FEZ1: variants seen among roughly 807,000 people sequenced by gnomAD.
FEZ1 encodes fasciculation and elongation protein zeta 1, also known as fasciculation and elongation protein zeta-1.
In FEZ1, 20 loss-of-function variants were observed where a neutral mutation model predicts 49.3. That is an observed-to-expected ratio of 0.41 (90% CI 0.29 to 0.59). The LOEUF is 0.59. FEZ1 is among the 20% of genes least tolerant of loss of function. The pLI is 0.36. For synonymous variants in FEZ1, 170 were observed against 180.9 expected (o/e 0.94, Z 0.48); for missense variants, 413 against 476.0 (o/e 0.87, Z 1.23).
At chr11:125,458,232 C>T (rs190518848) in intron 5 of FEZ1, among the ~76,000 whole-genome samples, 4 of 152,312 alleles carry the variant, frequency 2.6e-5, no homozygotes, top group Admixed American at 2.6e-4. Context: ...CCTGACCAAC[C>T]CACCTTCTCC....
chr11:125,461,244 A>T (rs575625999), intron 4 of FEZ1, among the ~76,000 whole-genome samples: 1 of 152,316 alleles, frequency 6.6e-6, no homozygotes, highest in East Asian at 1.9e-4. Context: ...CCCAGCTCTA[A>T]TCTAGACTAT....
At chr11:125,470,942 A>G (rs1235316088) in intron 3 of FEZ1, among the ~76,000 whole-genome samples, 1 of 152,218 alleles carries the variant, frequency 6.6e-6, no homozygotes, top group Admixed American at 6.5e-5. Context: ...TATGACAATT[A>G]TAGCACAAAA....
chr11:125,495,988 G>C lies in FEZ1; in HGVS notation c.-46+133C>G, dbSNP rs956662103. On this transcript the variant is annotated intron_variant, in intron 1 of 9. Transcript: ENST00000278919. The surrounding 1 kb of genome is among the most constrained non-coding windows in gnomAD (Gnocchi z 4.2). Reference sequence around the variant, plus strand: ...TTGTTCCTTTCTAATCCCAGAATGGGACCAGGTGAGGGGAGCTGCGGCGAC... The same window carrying C: ...TTGTTCCTTTCTAATCCCAGAATGGCACCAGGTGAGGGGAGCTGCGGCGAC... The C allele has an allele frequency of 9.4e-6, 2 of 213,710 alleles. No homozygotes were observed. Among genetic ancestry groups the C allele is most frequent in the Non-Finnish European group, 1.9e-5 (2 of 107,480 alleles). 13.2% of individuals were successfully genotyped at this position (213,710 alleles called of 1,614,324 possible). A position where few individuals can be genotyped will look rare whatever the true frequency, so the allele number is the denominator to read the frequency against.
At chr11:125,450,333 T>C (rs1956942981) in intron 8 of FEZ1, among the ~76,000 whole-genome samples, 1 of 152,172 alleles carries the variant, frequency 6.6e-6, no homozygotes, top group African/African-American at 2.4e-5. Context: ...CTCGGCCTGT[T>C]TTATTTTTTT....
rs185074756 is a variant in FEZ1 at position 125,444,159 on chromosome 11, C to T, written c.*1936G>A. ...GTCACTTCCATGCTCCTGTGGCAGC[C>T]GGGGCTCTATCTATGGAGAAGCTCT... is the stretch of plus-strand genomic sequence containing the variant. On this transcript the variant is annotated 3_prime_UTR_variant, in exon 10 of 10. Transcript: ENST00000278919. Among the ~76,000 whole-genome samples the T allele has an allele frequency of 5.7e-4, 86 of 152,196 alleles. No individual in the cohort carries two copies. The highest frequency in any genetic ancestry group is 1.9e-3 in the African/African-American group (81 of 41,542).
intron 3 of FEZ1, among the ~76,000 whole-genome samples, chr11:125,468,596 A>G (rs1565537626): frequency 6.6e-6 from 1 of 152,158 alleles, no homozygotes; most frequent in South Asian, 2.1e-4. Flanking sequence ...CTCAAACCCT[A>G]CTAAAATGAG....
Position 125,460,524 on chromosome 11 carries a change from G to C in FEZ1, c.641C>G (p.Thr214Ser). The stretch of plus-strand genomic sequence containing the variant: ...TTCATAGGACCAGTTGTTGTTGAAG[G>C]TCTGTGTCAATGCCTGCATCTCCTG... ...LLQEMQALTQ[T>S]FNNNWSYEGL... Residue 214 changes from threonine (T) to serine (S), a missense_variant, in exon 5 of 10, where the codon ACC (threonine) becomes AGC (serine). Thr to Ser is a moderately conservative substitution (Grantham distance 58). Coordinates refer to ENST00000278919, the MANE Select transcript of FEZ1 (RefSeq NM_005103.5). 2 of 1,614,118 alleles carry C rather than the reference G, an allele frequency of 1.2e-6. No individual in the cohort carries two copies. The highest frequency in any genetic ancestry group is 1.7e-6 in the Non-Finnish European group (2 of 1,180,032).
intron 1 of FEZ1, among the ~76,000 whole-genome samples, chr11:125,494,086 G>A (rs2135796938): frequency 6.6e-6 from 1 of 152,360 alleles, no homozygotes. Flanking sequence ...AATATAGACT[G>A]ATTGTTTTTT....
At chr11:125,490,464 A>T (rs1427904955) in intron 1 of FEZ1, among the ~76,000 whole-genome samples, 2 of 152,202 alleles carry the variant, frequency 1.3e-5, no homozygotes, top group Non-Finnish European at 2.9e-5. Flanking sequence ...TACTTTCCAA[A>T]ATCTGAAATA....
chr11:125,463,162 C>A, intron 4 of FEZ1: 1 of 164,228 alleles, frequency 6.1e-6, no homozygotes. Context: ...AAGAATTAGC[C>A]AGGCATGGTG....
chr11:125,448,571 G>A lies in FEZ1; in HGVS notation c.1097-4C>T. On this transcript the variant is annotated splice_polypyrimidine_tract_variant and splice_region_variant and intron_variant, in intron 8 of 9. Transcript: ENST00000278919. ...TCCTCCTTCATGGCAAAGAGAACTA[G>A]GAAAGGAGACAGAGAGAGGAACTAA... The A allele has an allele frequency of 6.2e-7, 1 of 1,602,590 alleles. No homozygotes were observed.
At chr11:125,491,757 C>T (rs180939377) in intron 1 of FEZ1, among the ~76,000 whole-genome samples, 192 of 152,294 alleles carry the variant, frequency 1.3e-3, no homozygotes, top group Non-Finnish European at 1.7e-3. Context: ...CGGGATTTTG[C>T]TGGGATTAAG....
rs116956257 is a variant in FEZ1, at chr11:125,479,761, A to G, written c.411+1773T>C. 7.8e-3 allele frequency among the ~76,000 whole-genome samples: 1,193 copies of G among 152,246 alleles called. 9 individuals are homozygous for G. The highest frequency in any genetic ancestry group is 0.014 in the Middle Eastern group (4 of 294). Reference sequence around the variant, plus strand: ...AAAGCAGGTCCTCACCAGATATTGAATCTGCCAGTGCCTTGATCTTGGACT... The same window carrying G: ...AAAGCAGGTCCTCACCAGATATTGAGTCTGCCAGTGCCTTGATCTTGGACT... On this transcript the variant is annotated intron_variant, in intron 3 of 9. Transcript: ENST00000278919.
intron 3 of FEZ1, among the ~76,000 whole-genome samples, chr11:125,465,324 A>C (rs1054637813): frequency 2.6e-5 from 4 of 152,168 alleles, no homozygotes; most frequent in Non-Finnish European, 4.4e-5. Context: ...GCTTCTTTCA[A>C]CTATATCATC....
intron 2 of FEZ1, chr11:125,488,751 C>A: frequency 2.0e-6 from 2 of 985,356 alleles, no homozygotes; most frequent in Non-Finnish European, 2.4e-6. Context: ...TGAATTTTTA[C>A]TAAATGCCTA....
intron 1 of FEZ1, among the ~76,000 whole-genome samples, chr11:125,493,745 T>C (rs1957428884): frequency 6.6e-6 from 1 of 152,236 alleles, no homozygotes; most frequent in Non-Finnish European, 1.5e-5. Flanking sequence ...TACAGAGATA[T>C]GAAAGCCAAT....
chr11:125,474,333 C>A (rs558328923), intron 3 of FEZ1, among the ~76,000 whole-genome samples: 1 of 151,544 alleles, frequency 6.6e-6, no homozygotes, highest in Non-Finnish European at 1.5e-5. Context: ...CTACCACGCC[C>A]GGCCTAATTT....
intron 3 of FEZ1, among the ~76,000 whole-genome samples, chr11:125,466,953 C>G (rs1329226618): frequency 6.9e-6 from 1 of 144,862 alleles, no homozygotes; most frequent in Admixed American, 6.9e-5. Flanking sequence ...GCCCCCCTGA[C>G]AAAAATTAAG....
At chr11:125,452,766 T>C in intron 7 of FEZ1, 1 of 194,036 alleles carries the variant, frequency 5.2e-6, no homozygotes, top group Middle Eastern at 1.9e-3. Flanking sequence ...GAATTGTTTG[T>C]CTTTTGTCAA....
Sources: allele counts gnomAD v4.1 joint callset (sites outside exome capture counted in the v4.1 genomes callset), GRCh38; gene constraint gnomAD v4.1.1; non-coding constraint Gnocchi (gnomAD v3.1); transcripts MANE v1.5; gene names NCBI Gene and HGNC (gene_info 2026-07-23, HGNC 2026-07-21).